Variants in CRYBG2 observed in about 807,000 individuals in gnomAD.
CRYBG2 encodes beta/gamma crystallin domain-containing protein 2.
CRYBG2 carries 106 observed loss-of-function variants against 153.4 expected under a neutral mutation model. The observed-to-expected ratio is 0.69, with a 90% CI of 0.59 to 0.81. The LOEUF (loss-of-function observed/expected upper bound fraction) is 0.81. Among genes scored for constraint, CRYBG2 ranks in the 30% least tolerant of loss-of-function variants. The pLI is 0.00. For synonymous variants in CRYBG2, 851 were observed against 877.8 expected, an observed-to-expected ratio of 0.97 and a Z score of 0.54; for missense variants, 1,996 against 2,112.0, an observed-to-expected ratio of 0.95 and a Z score of 1.08.
intron 5 of CRYBG2, among the ~76,000 whole-genome samples, chr1:26,340,164 T>C (rs1289837700): frequency 6.6e-6 from 1 of 152,214 alleles, no homozygotes; most frequent in Non-Finnish European, 1.5e-5. Context: ...GCAGATCCTC[T>C]TTGTATTCTG....
Position 26,343,607 on chromosome 1 carries a change from A to G in CRYBG2, c.2913+138T>C, listed in dbSNP as rs1245453979. 1 of 1,165,818 alleles carries G rather than the reference A, an allele frequency of 8.6e-7. No individual in the cohort carries two copies. The highest frequency in any genetic ancestry group is 1.2e-6 in the Non-Finnish European group (1 of 857,406). 72.2% of individuals were successfully genotyped at this position (1,165,818 alleles called of 1,614,324 possible). ...TGAGGCCCAGAGAGATGTGGCTTGC[A>G]CAGGTCAACTGAACCAGACTTCAGA... On this transcript the variant is annotated intron_variant, in intron 2 of 19. Coordinates refer to ENST00000308182, the MANE Select transcript of CRYBG2 (RefSeq NM_001039775.4). The surrounding 1 kb of genome is among the most constrained non-coding windows in gnomAD (Gnocchi z 4.1).
chr1:26,324,207 G>A lies in CRYBG2; in HGVS notation c.4682C>T (p.Pro1561Leu), dbSNP rs773155517. The A allele has an allele frequency of 1.3e-4, 216 of 1,613,118 alleles. No individual in the cohort carries two copies. Among genetic ancestry groups the A allele is most frequent in the Non-Finnish European group, 1.7e-4 (197 of 1,179,928 alleles). The change falls in exon 18 of 20, where the codon CCC becomes CTC. Residue 1561 changes from proline to leucine, a missense_variant. Transcript: ENST00000308182. ...MKAGRVVVAD[P>L]QAGGSCIWYY... ...CCAGATGCAGCTACCTCCAGCTTGG[G>A]GGTCGGCGACCACCACACGGCCTGC...
chr1:26,329,325 C>A (rs1361145255), intron 15 of CRYBG2, among the ~76,000 whole-genome samples: 2 of 151,384 alleles, frequency 1.3e-5, no homozygotes, highest in Non-Finnish European at 2.9e-5. Context: ...TACAGGCACG[C>A]ACCACCATCC....
Position 26,343,979 on chromosome 1 carries a change from T to C in CRYBG2, c.2679A>G (p.Glu893=). 1 of 1,536,950 alleles carries C rather than the reference T, an allele frequency of 6.5e-7. No homozygotes were observed. The highest frequency in any genetic ancestry group is 8.7e-7 in the Non-Finnish European group (1 of 1,146,856). Residue 893 remains glutamate, a synonymous_variant, in exon 2 of 20, where the codon GAA becomes GAG. Transcript: ENST00000308182. The surrounding 1 kb of genome is among the most constrained non-coding windows in gnomAD (Gnocchi z 4.1). ...TKGPHSELGL[E]LQGGSRPTSR... ...AAGTGGGCCTGCTGCCTCCCTGCAGTTCCAATCCCAGCTCTGAGTGGGGGC... is the reference window on the plus strand; with the variant it reads ...AAGTGGGCCTGCTGCCTCCCTGCAGCTCCAATCCCAGCTCTGAGTGGGGGC...
At position 26,336,930 on chromosome 1, in the gene CRYBG2, C is replaced by T; in HGVS notation, c.3822G>A (p.Gly1274=). 6.2e-7 allele frequency: 1 copy of T among 1,613,110 alleles called. No individual in the cohort carries two copies. The highest frequency in any genetic ancestry group is 8.5e-7 in the Non-Finnish European group (1 of 1,179,670). ...ATGCCTTGCTCACCTCCACGCCGTG[C>T]CCCTCGAAGTCCATGGCCTCAAATA... is the stretch of plus-strand genomic sequence containing the variant. ...VVLFEAMDFE[G]HGVEVSKALP... is the part of the protein sequence containing the mutation. Residue 1274 remains glycine, a synonymous_variant, in exon 11 of 20, where the codon GGG becomes GGA. Transcript: ENST00000308182. The surrounding 1 kb of genome is among the most constrained non-coding windows in gnomAD (Gnocchi z 4.9).
At chr1:26,327,835 T>A (rs2073950372) in intron 17 of CRYBG2, among the ~76,000 whole-genome samples, 1 of 151,456 alleles carries the variant, frequency 6.6e-6, no homozygotes, top group Non-Finnish European at 1.5e-5. Flanking sequence ...TGGTCCCAGT[T>A]ACTTGGGAGG....
chr1:26,336,115 G>T lies in CRYBG2; in HGVS notation c.4164C>A (p.Ser1388=). 1 of 1,507,406 alleles carries T rather than the reference G, an allele frequency of 6.6e-7. No homozygotes were observed. The highest frequency in any genetic ancestry group is 1.4e-5 in the African/African-American group (1 of 72,432). The allele number at this position is 1,507,406 out of a possible 1,614,324, so 93.4% of individuals were successfully genotyped here. A position where few individuals can be genotyped will look rare whatever the true frequency, so the allele number is the denominator to read the frequency against. The change falls in exon 14 of 20, where the codon TCC becomes TCA. Residue 1388 remains serine (S), a synonymous_variant. Coordinates refer to ENST00000308182, the MANE Select transcript of CRYBG2 (RefSeq NM_001039775.4). The surrounding 1 kb of genome is among the most constrained non-coding windows in gnomAD (Gnocchi z 4.9). ...CTCACCTGCCGCCGTGGACCCGGCA[G>T]GACTGAGGTCGGAAGGAGGCGGGCA... ...AALPASFRPQ[S]CRVHGGSWIL...
chr1:26,327,248 C>T (rs952790722), intron 17 of CRYBG2, among the ~76,000 whole-genome samples: 1 of 152,008 alleles, frequency 6.6e-6, no homozygotes, highest in African/African-American at 2.4e-5. Context: ...GTGGGCAGAT[C>T]ACAAGTCAGG....
chr1:26,336,554 A>G lies in CRYBG2; in HGVS notation c.4038+52T>C. ...TCTGCGTGGGGGCGGGGCGCACCCG[A>G]ACTCCAGGTCCCGCCACCGGGGAGG... On this transcript the variant is annotated intron_variant, in intron 12 of 19. Transcript: ENST00000308182. This position sits in a 1 kb window ranked among gnomAD's most constrained non-coding sequence, Gnocchi z 4.9. The G allele has an allele frequency of 6.5e-7, 1 of 1,540,238 alleles. No individual in the cohort carries two copies. The highest frequency in any genetic ancestry group is 8.8e-7 in the Non-Finnish European group (1 of 1,142,282).
chr1:26,329,173 C>CT (rs35855833), intron 15 of CRYBG2, among the ~76,000 whole-genome samples: 75,144 of 98,666 alleles, frequency 0.76, 30,109 homozygotes, highest in Non-Finnish European at 0.82. Context: ...TTATTCTAGG[C>CT]TTTTTTTTTT....
chr1:26,324,305 C>G lies in CRYBG2; in HGVS notation c.4584G>C (p.Arg1528=). The G allele has an allele frequency of 6.2e-7, 1 of 1,605,268 alleles. No homozygotes were observed. The highest frequency in any genetic ancestry group is 8.5e-7 in the Non-Finnish European group (1 of 1,178,492). The change falls in exon 18 of 20, where the codon CGG becomes CGC. Residue 1528 remains arginine, a synonymous_variant. Transcript: ENST00000308182. ...CTGCATTCCAGAGGCGGAAATAAAC[C>G]CGGCGCTGGTGGCAGAAAGAGGCTG... ...VGSLYPIKQR[R]VYFRLWNAAL...
chr1:26,328,591 G>A (rs994923680), intron 16 of CRYBG2, 143 bp downstream of exon 16: 31 of 1,306,304 alleles, frequency 2.4e-5, no homozygotes, highest in South Asian at 4.3e-5. Flanking sequence ...TTCTCAGTCC[G>A]CACTTCTCCC....
intron 1 of CRYBG2, among the ~76,000 whole-genome samples, chr1:26,348,515 G>A (rs1295009398): frequency 1.3e-5 from 2 of 152,148 alleles, no homozygotes; most frequent in African/African-American, 2.4e-5. Flanking sequence ...TCGTGTCACT[G>A]CACTCCAGCC....
rs758688542 is a variant in CRYBG2 at position 26,346,490 on chromosome 1, C to T, written c.168G>A (p.Glu56=). The T allele has an allele frequency of 5.6e-6, 9 of 1,612,244 alleles. No individual in the cohort carries two copies. Among genetic ancestry groups the T allele is most frequent in the South Asian group, 3.3e-5 (3 of 91,060 alleles). Residue 56 remains glutamate, a synonymous_variant, in exon 2 of 20, where the codon GAG becomes GAA. Coordinates refer to ENST00000308182, the MANE Select transcript of CRYBG2 (RefSeq NM_001039775.4). The surrounding 1 kb of genome is among the most constrained non-coding windows in gnomAD (Gnocchi z 4.9). ...CTTCCACTTCCTCTCGACGGCTGAA[C>T]TCAAACATCTCCTTCTGCGGGGCTT... ...QMEAPQKEMF[E]FSRREEVEVN... is the part of the protein sequence containing the mutation.
chr1:26,351,227 T>C (rs1328497350), intron 1 of CRYBG2, among the ~76,000 whole-genome samples: 2 of 152,082 alleles, frequency 1.3e-5, no homozygotes, highest in Admixed American at 6.5e-5. Context: ...GAGCTCCCTT[T>C]TTCCTCATGC....
intron 1 of CRYBG2, among the ~76,000 whole-genome samples, chr1:26,351,427 T>C (rs2074285982): frequency 6.6e-6 from 1 of 152,178 alleles, no homozygotes; most frequent in Non-Finnish European, 1.5e-5. Flanking sequence ...CATTCAGTGC[T>C]AATTGTATCA....
In CRYBG2 at chr1:26,344,311, G is replaced by C. The variant is rs917207054; in HGVS notation, c.2347C>G (p.His783Asp). 4.7e-6 allele frequency: 7 copies of C among 1,501,996 alleles called. No homozygotes were observed. Among genetic ancestry groups the C allele is most frequent in the Non-Finnish European group, 6.2e-6 (7 of 1,125,396 alleles). The allele number at this position is 1,501,996 out of a possible 1,614,324, so 93.0% of individuals were successfully genotyped here. Residue 783 changes from histidine (H) to aspartate (D), a missense_variant, in exon 2 of 20, where the codon CAC becomes GAC. Physicochemically the swap from His to Asp is moderately conservative, Grantham distance 81. Transcript: ENST00000308182. Reference sequence around the variant, plus strand: ...GAGCGAGGGGCTCGTGGCAGCCGGTGAGTGCGGAGGATCTCAGGGGGCTCC... The same window carrying C: ...GAGCGAGGGGCTCGTGGCAGCCGGTCAGTGCGGAGGATCTCAGGGGGCTCC... ...SMEPPEILRT[H>D]RLPRAPRSSY...
rs768187831 is a variant in CRYBG2 at position 26,345,826 on chromosome 1, G to A, written c.832C>T (p.Pro278Ser). The A allele has an allele frequency of 1.6e-5, 26 of 1,596,456 alleles. No individual in the cohort carries two copies. The African/African-American group carries it at 3.3e-4, about 20-fold the overall frequency. ...TTAAGCTCTGCTGTCCCGGTCTCAG[G>A]CAGCTGCCTCAAGGCTGCCCCCACT... is the stretch of plus-strand genomic sequence containing the variant. ...STVGAALRQL[P>S]ETGTAELKDS... The change falls in exon 2 of 20, where the codon CCT becomes TCT. Residue 278 changes from proline to serine, a missense_variant. Coordinates refer to ENST00000308182, the MANE Select transcript of CRYBG2 (RefSeq NM_001039775.4).
chr1:26,331,315 A>C (rs2073994173), intron 15 of CRYBG2, among the ~76,000 whole-genome samples, 174 bp downstream of exon 15: 1 of 152,326 alleles, frequency 6.6e-6, no homozygotes, highest in Middle Eastern at 3.4e-3. Context: ...GTGGGTGCTC[A>C]ATGAAGAGCT....
Sources: allele counts gnomAD v4.1 joint callset (sites outside exome capture counted in the v4.1 genomes callset), GRCh38; gene constraint gnomAD v4.1.1; non-coding constraint Gnocchi (gnomAD v3.1); transcripts MANE v1.5; gene names NCBI Gene and HGNC (gene_info 2026-07-23, HGNC 2026-07-21).